SHISA9: variants seen among roughly 807,000 people sequenced by gnomAD.
The protein encoded by SHISA9 is shisa family member 9.
In SHISA9, 13 loss-of-function variants were observed where a neutral mutation model predicts 38.0. The ratio of observed to expected loss-of-function variants is 0.34; its 90% CI spans 0.22 to 0.54. The LOEUF (loss-of-function observed/expected upper bound fraction) is 0.54. Among genes scored for constraint, SHISA9 ranks in the 20% least tolerant of loss-of-function variants. The probability of loss-of-function intolerance (pLI) is 0.91; values close to 1 mark genes in which losing one functional copy is unlikely to be tolerated. For missense variants in SHISA9, 538 were observed against 575.8 expected, an observed-to-expected ratio of 0.93 and a Z score of 0.67; for synonymous variants, 275 against 242.0, an observed-to-expected ratio of 1.14 and a Z score of -1.27.
At chr16:13,475,232 C>A in the SHISA9 span, among the ~76,000 whole-genome samples, 1 of 151,878 alleles carries the variant, frequency 6.6e-6, no homozygotes, top group Non-Finnish European at 1.5e-5. Flanking sequence ...GATTGGCTTA[C>A]AGGCGATGAG....
the SHISA9 span, among the ~76,000 whole-genome samples, chr16:13,264,044 T>G: frequency 1.3e-5 from 2 of 152,342 alleles, no homozygotes; most frequent in East Asian, 3.9e-4. Context: ...TATGACTACT[T>G]AAGCAACTCT....
the SHISA9 span, among the ~76,000 whole-genome samples, chr16:13,414,738 G>A: frequency 2.0e-5 from 3 of 146,416 alleles, no homozygotes; most frequent in South Asian, 2.2e-4. Flanking sequence ...TCTGCCTCCC[G>A]GGTTCAAGCG....
At chr16:13,514,474 C>G in the SHISA9 span, among the ~76,000 whole-genome samples, 1 of 151,972 alleles carries the variant, frequency 6.6e-6, no homozygotes, top group South Asian at 2.1e-4. Context: ...CTAATTTGTT[C>G]AGGAATGTGG....
chr16:13,397,549 C>G, the SHISA9 span, among the ~76,000 whole-genome samples: 2 of 152,182 alleles, frequency 1.3e-5, no homozygotes, highest in Non-Finnish European at 2.9e-5. Context: ...ATTCTCCTGC[C>G]TCAGCCTCCT....
At chr16:13,511,520 G>T in the SHISA9 span, among the ~76,000 whole-genome samples, 1 of 152,060 alleles carries the variant, frequency 6.6e-6, no homozygotes, top group Non-Finnish European at 1.5e-5. Flanking sequence ...ACTTAAAAAT[G>T]GGGTACAATA....
chr16:13,189,147 A>G (rs2050858638), intron 2 of SHISA9, among the ~76,000 whole-genome samples: 1 of 152,194 alleles, frequency 6.6e-6, no homozygotes, highest in Non-Finnish European at 1.5e-5. Context: ...GATTATAGAT[A>G]TATTTCCATT....
At chr16:13,325,637 T>C in the SHISA9 span, among the ~76,000 whole-genome samples, 3 of 152,132 alleles carry the variant, frequency 2.0e-5, no homozygotes, top group Admixed American at 6.5e-5. Context: ...AGTGGTGTAG[T>C]TGCAGTCTGA....
chr16:13,246,069 C>T, the SHISA9 span, among the ~76,000 whole-genome samples: 2 of 152,112 alleles, frequency 1.3e-5, no homozygotes, highest in African/African-American at 4.8e-5. Context: ...AAAAAAAATC[C>T]ATCCTGTTAG....
chr16:12,911,397 GT>G (rs544399827), intron 1 of SHISA9: 7 of 985,246 alleles, frequency 7.1e-6, no homozygotes, highest in Admixed American at 6.1e-5. Flanking sequence ...TCTATAAAAT[GT>G]TTTTTTGTAT....
At position 13,162,055 on chromosome 16, in the gene SHISA9, A is replaced by G. The variant is rs561005130; in HGVS notation, c.692-41339A>G. On this transcript the variant is annotated intron_variant, in intron 2 of 4. Transcript: ENST00000558583. Reference sequence around the variant, plus strand: ...GGATTAATTAGAAGGGGATAATGTAATGGCAGAGGTGGACCTAGGATGTGG... The same window carrying G: ...GGATTAATTAGAAGGGGATAATGTAGTGGCAGAGGTGGACCTAGGATGTGG... Among the ~76,000 whole-genome samples the G allele has an allele frequency of 4.6e-5, 7 of 152,326 alleles. No individual in the cohort carries two copies. In the East Asian group the frequency reaches 1.4e-3, roughly 29 times the overall value.
chr16:13,178,656 C>T (rs9937797), intron 2 of SHISA9, among the ~76,000 whole-genome samples: 19,664 of 152,152 alleles, frequency 0.13, 1,455 homozygotes, highest in Middle Eastern at 0.17. Flanking sequence ...CTGCTAGTGC[C>T]GGGGACCTGG....
the SHISA9 span, among the ~76,000 whole-genome samples, chr16:13,530,374 C>T: frequency 6.6e-6 from 1 of 152,124 alleles, no homozygotes; most frequent in Admixed American, 6.6e-5. Flanking sequence ...CTTGATCTCC[C>T]TGAACTTCAT....
the SHISA9 span, among the ~76,000 whole-genome samples, chr16:13,503,687 C>CAA: frequency 0.26 from 39,220 of 148,030 alleles, 5,522 homozygotes; most frequent in South Asian, 0.43. Context: ...AAGGAGTGAC[C>CAA]AAAAAAAAAA....
chr16:12,972,082 T>TGTGTGTGTGG, intron 2 of SHISA9, among the ~76,000 whole-genome samples: 1 of 143,958 alleles, frequency 6.9e-6, no homozygotes, highest in Middle Eastern at 3.5e-3. Context: ...TGTGTGTGTG[T>TGTGTGTGTGG]TGAGAGGGGC....
At chr16:13,531,426 A>T in the SHISA9 span, among the ~76,000 whole-genome samples, 1 of 152,076 alleles carries the variant, frequency 6.6e-6, no homozygotes. Flanking sequence ...TTTCACAATA[A>T]CTCCCCCAAT....
chr16:12,992,867 A>G (rs988009414), intron 2 of SHISA9, among the ~76,000 whole-genome samples: 3 of 152,190 alleles, frequency 2.0e-5, no homozygotes, highest in African/African-American at 4.8e-5. Flanking sequence ...AGCACTTCAC[A>G]TGCTTTATCT....
At chr16:13,356,325 G>A in the SHISA9 span, among the ~76,000 whole-genome samples, 4 of 152,196 alleles carry the variant, frequency 2.6e-5, no homozygotes, top group Non-Finnish European at 4.4e-5. Context: ...GGGCTGTAAA[G>A]TGTCTCACGG....
the SHISA9 span, among the ~76,000 whole-genome samples, chr16:13,336,340 G>C: frequency 3.3e-5 from 5 of 152,196 alleles, no homozygotes; most frequent in African/African-American, 9.6e-5. Flanking sequence ...TTAATAATTT[G>C]ATAAAACCAC....
At chr16:13,334,634 C>T in the SHISA9 span, among the ~76,000 whole-genome samples, 11 of 151,758 alleles carry the variant, frequency 7.2e-5, no homozygotes, top group Non-Finnish European at 7.4e-5. Flanking sequence ...AATAGCCAGG[C>T]GTGGTGGCGG....
Sources: gnomAD v4.1 joint callset for allele counts (sites outside exome capture counted in the v4.1 genomes callset) on GRCh38, gnomAD v4.1.1 for gene constraint, MANE v1.5 for transcripts, NCBI Gene and HGNC (gene_info 2026-07-23, HGNC 2026-07-21) for gene names.